CHM: variants seen among roughly 807,000 people sequenced by gnomAD.
The protein encoded by CHM is CHM Rab escort protein, also known as rab proteins geranylgeranyltransferase component A 1.
CHM carries 10 observed loss-of-function variants against 49.0 expected under a neutral mutation model. That is an observed-to-expected ratio of 0.20 (90% CI 0.13 to 0.35). CHM has a LOEUF of 0.35. Ranked by LOEUF, CHM falls within the 10% of genes least tolerant of loss-of-function variation. The pLI, the probability that CHM is intolerant of heterozygous loss-of-function variation, is 1.00. For missense variants in CHM, 455 were observed against 478.4 expected (o/e 0.95, Z 0.46); for synonymous variants, 184 against 167.5 (o/e 1.10, Z -0.76).
intron 2 of CHM, among the ~76,000 whole-genome samples, chrX:86,026,637 G>A (rs1200116765): frequency 3.6e-5 from 4 of 111,938 alleles, no homozygotes; most frequent in Non-Finnish European, 7.5e-5. Context: ...CTTTCAAAAT[G>A]AATTTAGAAC....
At chrX:85,923,763 G>A (rs1366080390) in intron 8 of CHM, among the ~76,000 whole-genome samples, 1 of 111,026 alleles carries the variant, frequency 9.0e-6, no homozygotes, top group Non-Finnish European at 1.9e-5. Flanking sequence ...ATAAGGTGAA[G>A]GTGATATGGG....
chrX:85,887,955 T>C lies in CHM; in HGVS notation c.1510+6233A>G, dbSNP rs756599351. On this transcript the variant is annotated intron_variant, in intron 12 of 14. Coordinates refer to ENST00000357749, the MANE Select transcript of CHM (RefSeq NM_000390.4). ...CCGGTTTTGAAAGGGAAACAGTGCA[T>C]AAAAGTTTGGAAAATTTGCAGCCTG... is the stretch of plus-strand genomic sequence containing the variant. 7.1e-5 allele frequency among the ~76,000 whole-genome samples: 8 copies of C among 111,986 alleles called. No individual in the cohort carries two copies. The South Asian group carries it at 3.0e-3, about 42-fold the overall frequency.
intron 11 of CHM, among the ~76,000 whole-genome samples, chrX:85,898,151 A>G (rs954933161): frequency 9.0e-6 from 1 of 110,917 alleles, no homozygotes; most frequent in African/African-American, 3.3e-5. Context: ...TGACCATGAG[A>G]CAGTACACTC....
chrX:85,872,388 C>G (rs1924132754), intron 14 of CHM, among the ~76,000 whole-genome samples: 2 of 111,835 alleles, frequency 1.8e-5, no homozygotes, highest in Non-Finnish European at 3.8e-5. Flanking sequence ...CAATATTCAG[C>G]TTAATGGAAT....
At chrX:86,017,616 G>C (rs1354990880) in intron 2 of CHM, among the ~76,000 whole-genome samples, 1 of 111,605 alleles carries the variant, frequency 9.0e-6, no homozygotes, top group Non-Finnish European at 1.9e-5. Context: ...GGAACTGTAA[G>C]TCCAATTAAA....
chrX:85,873,037 C>T lies in CHM; in HGVS notation c.1770+15G>A. The T allele has an allele frequency of 8.3e-7, 1 of 1,201,613 alleles. No individual in the cohort carries two copies. The highest frequency in any genetic ancestry group is 1.1e-6 in the Non-Finnish European group (1 of 887,519). ...AACATCTTAATACAAAACTGAGAAA[C>T]ATCAAGAGCCTTACCTGTTTGACTG... On this transcript the variant is annotated intron_variant, in intron 14 of 14. Transcript: ENST00000357749.
intron 1 of CHM, among the ~76,000 whole-genome samples, chrX:86,044,287 G>A (rs1640138245): frequency 8.9e-6 from 1 of 111,925 alleles, no homozygotes; most frequent in South Asian, 3.7e-4. Context: ...TGCATTTTAG[G>A]TGTTTTTCTC....
At chrX:85,978,641 G>A (rs1301041115) in intron 4 of CHM, 126 bp downstream of exon 4, 47 of 654,059 alleles carry the variant, frequency 7.2e-5, no homozygotes, top group Non-Finnish European at 9.9e-5. Flanking sequence ...TTTAAAAACA[G>A]GCAAAACCAG....
At chrX:85,870,588 GT>G (rs771441888) in intron 14 of CHM, among the ~76,000 whole-genome samples, 20 of 111,985 alleles carry the variant, frequency 1.8e-4, no homozygotes, top group Admixed American at 1.4e-3. Flanking sequence ...CTCCAAGAGG[GT>G]GGGGCTCCTG....
rs756591303 is a variant in CHM, at chrX:85,973,377, C to T, written c.314+5390G>A. Reference sequence around the variant, plus strand: ...ACCATAGATTCTACCCTAATATACACCAACTCTATAAATAAGCTAAGTCAT... The same window carrying T: ...ACCATAGATTCTACCCTAATATACATCAACTCTATAAATAAGCTAAGTCAT... On this transcript the variant is annotated intron_variant, in intron 4 of 14. Transcript: ENST00000357749. Among the ~76,000 whole-genome samples, 15 of 100,947 alleles carry T rather than the reference C, an allele frequency of 1.5e-4. No individual in the cohort carries two copies. The South Asian group carries it at 6.4e-3, about 43-fold the overall frequency. 87.7% of individuals were successfully genotyped at this position (100,947 alleles called of 115,157 possible). A position where few individuals can be genotyped will look rare whatever the true frequency, so the allele number is the denominator to read the frequency against.
rs191942299 is a variant in CHM, at chrX:85,868,599, A to G, written c.1771-3778T>C. On this transcript the variant is annotated intron_variant, in intron 14 of 14. Coordinates refer to ENST00000357749, the MANE Select transcript of CHM (RefSeq NM_000390.4). ...TCAAATTCTATCAATTTTATCTTCT[A>G]TCTCTTAACTTCATCTGTTCCTTCC... 4.1e-3 allele frequency among the ~76,000 whole-genome samples: 455 copies of G among 110,922 alleles called. 1 individual carries two copies. The highest frequency in any genetic ancestry group is 0.014 in the Middle Eastern group (3 of 217).
chrX:85,938,457 A>C (rs1392626553), intron 8 of CHM, among the ~76,000 whole-genome samples: 3 of 110,667 alleles, frequency 2.7e-5, no homozygotes, highest in Non-Finnish European at 3.8e-5. Flanking sequence ...TTGGGATAGA[A>C]GCTTTTTGTC....
chrX:86,034,688 G>A (rs370915656), intron 1 of CHM, among the ~76,000 whole-genome samples: 3 of 111,607 alleles, frequency 2.7e-5, no homozygotes, highest in Non-Finnish European at 5.7e-5. Flanking sequence ...GCTGAGGCAG[G>A]AGGATCGCTT....
intron 2 of CHM, among the ~76,000 whole-genome samples, chrX:86,025,831 T>A (rs1933787178): frequency 9.0e-6 from 1 of 111,177 alleles, no homozygotes; most frequent in African/African-American, 3.3e-5. Context: ...TGTCCCACAT[T>A]CCCCATTTGT....
intron 2 of CHM, among the ~76,000 whole-genome samples, chrX:85,995,654 G>C (rs1932406548): frequency 8.9e-6 from 1 of 112,171 alleles, no homozygotes; most frequent in African/African-American, 3.2e-5. Flanking sequence ...ATCTGCAAAA[G>C]GAGGGAAATC....
intron 1 of CHM, among the ~76,000 whole-genome samples, chrX:86,043,389 C>A (rs998097908): frequency 9.1e-6 from 1 of 109,580 alleles, no homozygotes; most frequent in Non-Finnish European, 1.9e-5. Context: ...TCTCTTTCCC[C>A]ATAATCTTTA....
rs2148111839 is a variant in CHM, at chrX:85,864,674, T to C, written c.1918A>G (p.Lys640Glu). 1 of 1,210,196 alleles carries C rather than the reference T, an allele frequency of 8.3e-7. No homozygotes were observed. Among genetic ancestry groups the C allele is most frequent in the Non-Finnish European group, 1.1e-6 (1 of 894,810 alleles). The change falls in exon 15 of 15, where the codon AAG (lysine) becomes GAG (glutamate). Residue 640 changes from lysine (K) to glutamate (E), a missense_variant. Physicochemically the swap from Lys to Glu is moderately conservative, Grantham distance 56. Transcript: ENST00000357749. ...AIPEANSETF[K>E]ESTNLGNLEE... ...AGGTTTCCAAGGTTTGTGCTTTCCT[T>C]GAAAGTCTCCGAGTTAGCCTCTGGT...
intron 2 of CHM, among the ~76,000 whole-genome samples, chrX:85,990,060 T>C (rs1287825760): frequency 8.9e-6 from 1 of 112,273 alleles, no homozygotes; most frequent in Non-Finnish European, 1.9e-5. Context: ...GTAGCACTAT[T>C]CCCAATAGCT....
chrX:85,901,094 C>T lies in CHM; in HGVS notation c.1339G>A (p.Val447Met), dbSNP rs142989054. The T allele has an allele frequency of 2.3e-5, 28 of 1,195,045 alleles. No homozygotes were observed. The African/African-American group carries it at 4.6e-4, about 20-fold the overall frequency. ...SYFPENMCSR[V>M]QYRQISRAVL... is the part of the protein sequence containing the mutation. Reference sequence around the variant, plus strand: ...TGGAGGGGGCCTTACCTGTATTGCACACGTGAGCACATGTTCTCAGGAAAG... The same window carrying T: ...TGGAGGGGGCCTTACCTGTATTGCATACGTGAGCACATGTTCTCAGGAAAG... The change falls in exon 10 of 15, where the codon GTG (valine) becomes ATG (methionine). Residue 447 changes from valine to methionine, a missense_variant. Coordinates refer to ENST00000357749, the MANE Select transcript of CHM (RefSeq NM_000390.4).
Sources: gnomAD v4.1 joint callset for allele counts (sites outside exome capture counted in the v4.1 genomes callset) on GRCh38, gnomAD v4.1.1 for gene constraint, MANE v1.5 for transcripts, NCBI Gene and HGNC (gene_info 2026-07-23, HGNC 2026-07-21) for gene names.